The following CDH13 variants were observed in gnomAD, a reference collection of about 807,000 sequenced individuals.
The protein encoded by CDH13 is cadherin 13, also known as cadherin-13.
A neutral mutation model predicts 63.8 loss-of-function variants in CDH13; 24 were observed. The ratio of observed to expected loss-of-function variants is 0.38; its 90% CI spans 0.27 to 0.53. The LOEUF is 0.53. Ranked by LOEUF, CDH13 falls within the 20% of genes least tolerant of loss-of-function variation. CDH13 has a pLI of 0.85. For missense variants in CDH13, 1,049 were observed against 903.1 expected, an observed-to-expected ratio of 1.16 and a Z score of -2.07; for synonymous variants, 503 against 355.3, an observed-to-expected ratio of 1.42 and a Z score of -4.67.
chr16:82,677,157 T>G (rs1726839083), intron 1 of CDH13, among the ~76,000 whole-genome samples: 1 of 152,218 alleles, frequency 6.6e-6, no homozygotes. Context: ...GGTGGAATTA[T>G]AGGAGTGAGC....
chr16:83,491,139 T>C (rs576099339), intron 7 of CDH13, among the ~76,000 whole-genome samples: 1 of 152,328 alleles, frequency 6.6e-6, no homozygotes, highest in South Asian at 2.1e-4. Flanking sequence ...CCTTGTGCAA[T>C]CATCTGGTAA....
intron 1 of CDH13, among the ~76,000 whole-genome samples, chr16:82,730,754 C>G (rs2033358617): frequency 6.6e-6 from 1 of 152,146 alleles, no homozygotes; most frequent in African/African-American, 2.4e-5. Context: ...GAAGCACAAT[C>G]AAACAAGGTA....
intron 6 of CDH13, among the ~76,000 whole-genome samples, chr16:83,430,923 C>T (rs1417043711): frequency 6.6e-6 from 1 of 151,206 alleles, no homozygotes; most frequent in East Asian, 2.0e-4. Flanking sequence ...CCCACTAACT[C>T]GTCATCTAGC....
At chr16:83,718,888 C>A (rs1022403855) in intron 10 of CDH13, among the ~76,000 whole-genome samples, 1 of 152,204 alleles carries the variant, frequency 6.6e-6, no homozygotes, top group East Asian at 1.9e-4. Context: ...ATAAGTACCC[C>A]AGTCATTGGG....
At chr16:83,559,461 C>A (rs1368235356) in intron 7 of CDH13, among the ~76,000 whole-genome samples, 1 of 152,038 alleles carries the variant, frequency 6.6e-6, no homozygotes, top group African/African-American at 2.4e-5. Flanking sequence ...ATCCCAGCTA[C>A]TCTGGAGGCT....
intron 7 of CDH13, among the ~76,000 whole-genome samples, chr16:83,492,768 A>T (rs902992696): frequency 6.6e-6 from 1 of 152,092 alleles, no homozygotes; most frequent in Admixed American, 6.5e-5. Flanking sequence ...AGAGATGGGG[A>T]AGGCCAGGGT....
At chr16:83,491,278 C>G (rs182031877) in intron 7 of CDH13, among the ~76,000 whole-genome samples, 1 of 152,074 alleles carries the variant, frequency 6.6e-6, no homozygotes. Flanking sequence ...GAGATGTTTG[C>G]GGAAAATAAG....
At chr16:83,395,567 C>T (rs192337448) in intron 6 of CDH13, among the ~76,000 whole-genome samples, 1 of 152,122 alleles carries the variant, frequency 6.6e-6, no homozygotes, top group African/African-American at 2.4e-5. Flanking sequence ...CTCTCCCCAA[C>T]CCTCCCACAT....
intron 6 of CDH13, among the ~76,000 whole-genome samples, chr16:83,442,466 T>A (rs1340045407): frequency 6.6e-6 from 1 of 152,248 alleles, no homozygotes; most frequent in Non-Finnish European, 1.5e-5. Context: ...ATGCTGATGC[T>A]TTTCTCCTGA....
chr16:83,339,269 C>T (rs981614890), intron 5 of CDH13, among the ~76,000 whole-genome samples: 4 of 152,104 alleles, frequency 2.6e-5, no homozygotes, highest in African/African-American at 9.7e-5. Context: ...GAGCCATCCT[C>T]TAGACAATAT....
rs72278133 is a variant in CDH13 at position 83,105,660 on chromosome 16, T to TAA, written c.367-19716_367-19715dup. Reference sequence around the variant, plus strand: ...TTAAATAGATACTACTTATTAAAGTTAAAAAAAAAATAAAGCCTGCATTTG... The same window carrying TAA: ...TTAAATAGATACTACTTATTAAAGTTAAAAAAAAAAAATAAAGCCTGCATTTG... On this transcript the variant is annotated intron_variant, in intron 3 of 13. Transcript: ENST00000567109. Among the ~76,000 whole-genome samples the TAA allele has an allele frequency of 1.3e-3, 197 of 150,132 alleles. 1 individual carries two copies. Among genetic ancestry groups the TAA allele is most frequent in the African/African-American group, 4.7e-3 (191 of 41,046 alleles).
At position 83,742,246 on chromosome 16, in the gene CDH13, C is replaced by G. The variant is rs553753367; in HGVS notation, c.1539-5862C>G. 8.1e-4 allele frequency among the ~76,000 whole-genome samples: 124 copies of G among 152,284 alleles called. 1 individual carries two copies. The highest frequency in any genetic ancestry group is 2.9e-3 in the African/African-American group (120 of 41,556). ...GGGGGCCCTGCTGAGAGTGAGCCCG[C>G]CTTCCAGGGTGGCGCAGGCCCCAGT... On this transcript the variant is annotated intron_variant, in intron 10 of 13. Coordinates refer to ENST00000567109, the MANE Select transcript of CDH13 (RefSeq NM_001257.5).
At chr16:82,839,369 G>C (rs1050772096) in intron 1 of CDH13, among the ~76,000 whole-genome samples, 2 of 152,116 alleles carry the variant, frequency 1.3e-5, no homozygotes, top group African/African-American at 4.8e-5. Flanking sequence ...CTGTACTTTT[G>C]CTGGTTCCTG....
At chr16:83,110,856 A>C (rs1476499002) in intron 3 of CDH13, among the ~76,000 whole-genome samples, 4 of 152,044 alleles carry the variant, frequency 2.6e-5, no homozygotes, top group Non-Finnish European at 4.4e-5. Flanking sequence ...GCATACCCCC[A>C]AAACCCTGGG....
chr16:82,912,616 A>T (rs1187872517), intron 2 of CDH13, among the ~76,000 whole-genome samples: 1 of 152,220 alleles, frequency 6.6e-6, no homozygotes, highest in Non-Finnish European at 1.5e-5. Context: ...AGGAAGAAAC[A>T]ACTAATTTGT....
intron 7 of CDH13, among the ~76,000 whole-genome samples, chr16:83,561,838 G>C (rs964041683): frequency 1.3e-5 from 2 of 152,176 alleles, no homozygotes; most frequent in Non-Finnish European, 2.9e-5. Context: ...CTGTTTTGTA[G>C]TTCCTTAAAA....
At chr16:82,641,615 A>G (rs1374337461) in intron 1 of CDH13, among the ~76,000 whole-genome samples, 1 of 152,242 alleles carries the variant, frequency 6.6e-6, no homozygotes, top group Non-Finnish European at 1.5e-5. Context: ...TGAATGAATA[A>G]GCCAGTTGAG....
intron 6 of CDH13, among the ~76,000 whole-genome samples, chr16:83,359,313 A>G (rs141208346): frequency 4.6e-5 from 7 of 152,184 alleles, no homozygotes; most frequent in African/African-American, 1.7e-4. Context: ...GCTAATAACA[A>G]TGCCCCAAAA....
chr16:82,952,846 C>G (rs1267868366), intron 2 of CDH13, among the ~76,000 whole-genome samples: 1 of 152,172 alleles, frequency 6.6e-6, no homozygotes, highest in Non-Finnish European at 1.5e-5. Flanking sequence ...GTTCTCCCTC[C>G]ACCTCTGATT....
Sources: allele counts gnomAD v4.1 joint callset (sites outside exome capture counted in the v4.1 genomes callset), GRCh38; gene constraint gnomAD v4.1.1; transcripts MANE v1.5; gene names NCBI Gene and HGNC (gene_info 2026-07-23, HGNC 2026-07-21).